Variants in TENM4 observed in about 807,000 individuals in gnomAD.
TENM4 encodes the protein teneurin transmembrane protein 4, also known as teneurin-4.
In TENM4, 82 loss-of-function variants were observed where a neutral mutation model predicts 243.3. That is an observed-to-expected ratio of 0.34 (90% CI 0.28 to 0.40). The LOEUF is 0.40. TENM4 is among the 10% of genes least tolerant of loss of function. The pLI is 1.00. For missense variants in TENM4, 3,138 were observed against 3,673.3 expected (o/e 0.85, Z 3.77); for synonymous variants, 1,412 against 1,456.3 (o/e 0.97, Z 0.69).
chr11:78,976,583 A>G (rs1030593104), intron 6 of TENM4, among the ~76,000 whole-genome samples: 6 of 152,186 alleles, frequency 3.9e-5, no homozygotes, highest in Non-Finnish European at 8.8e-5. Flanking sequence ...AGATTTGTGA[A>G]ACTTTTTTGG....
chr11:79,358,969 A>G (rs1005989804), intron 1 of TENM4, among the ~76,000 whole-genome samples: 16 of 148,062 alleles, frequency 1.1e-4, no homozygotes, highest in African/African-American at 4.0e-4. Context: ...TTTTTTTGGC[A>G]TAAGAATAAA....
At chr11:79,008,219 C>T (rs613474) in intron 6 of TENM4, among the ~76,000 whole-genome samples, 30,458 of 152,036 alleles carry the variant, frequency 0.2, 3,523 homozygotes, top group Non-Finnish European at 0.27. Context: ...ATTTCCTTAG[C>T]AAAGAAAAAA....
chr11:79,334,256 G>A (rs1857111220), intron 1 of TENM4, among the ~76,000 whole-genome samples: 1 of 152,164 alleles, frequency 6.6e-6, no homozygotes. Flanking sequence ...GACTCAGCTG[G>A]ACCTCAGAGT....
chr11:78,713,263 C>T (rs925750786), intron 25 of TENM4, among the ~76,000 whole-genome samples: 1 of 152,198 alleles, frequency 6.6e-6, no homozygotes, highest in Non-Finnish European at 1.5e-5. Context: ...AGTGGATACT[C>T]ATGTTACACT....
chr11:79,179,744 A>G (rs1863245427), intron 3 of TENM4, among the ~76,000 whole-genome samples: 1 of 151,864 alleles, frequency 6.6e-6, no homozygotes, highest in African/African-American at 2.4e-5. Flanking sequence ...GTGATTCAAT[A>G]AAGAGTTTGA....
At chr11:79,147,098 C>A (rs1193680484) in intron 4 of TENM4, among the ~76,000 whole-genome samples, 2 of 152,144 alleles carry the variant, frequency 1.3e-5, no homozygotes, top group African/African-American at 4.8e-5. Context: ...AGGTTCATTA[C>A]ACAGTCAGCT....
At chr11:79,123,348 G>A (rs1417792652) in intron 4 of TENM4, among the ~76,000 whole-genome samples, 1 of 152,180 alleles carries the variant, frequency 6.6e-6, no homozygotes, top group East Asian at 1.9e-4. Flanking sequence ...CTTTCCCAAG[G>A]AACTAGCTAG....
At chr11:79,157,775 G>C (rs1334172902) in intron 3 of TENM4, among the ~76,000 whole-genome samples, 1 of 152,214 alleles carries the variant, frequency 6.6e-6, no homozygotes, top group Non-Finnish European at 1.5e-5. Flanking sequence ...TAATCCTACT[G>C]TACTGTATTG....
chr11:78,741,297 A>G (rs1178710220), intron 19 of TENM4, among the ~76,000 whole-genome samples: 1 of 152,014 alleles, frequency 6.6e-6, no homozygotes, highest in East Asian at 1.9e-4. Flanking sequence ...CAAATGTTTA[A>G]TGACCGACTT....
intron 1 of TENM4, among the ~76,000 whole-genome samples, chr11:79,343,594 C>T (rs1225899057): frequency 6.6e-6 from 1 of 151,934 alleles, no homozygotes; most frequent in African/African-American, 2.4e-5. Context: ...CCCTGACTCA[C>T]CTTTTTAAAA....
intron 2 of TENM4, among the ~76,000 whole-genome samples, chr11:79,278,162 T>C (rs1019509705): frequency 2.3e-4 from 35 of 152,154 alleles, no homozygotes; most frequent in Non-Finnish European, 2.9e-5. Context: ...TTGATTTCAT[T>C]CCATTGCTTA....
chr11:79,219,323 C>G (rs1000342967), intron 2 of TENM4, among the ~76,000 whole-genome samples: 2 of 152,174 alleles, frequency 1.3e-5, no homozygotes, highest in Non-Finnish European at 2.9e-5. Flanking sequence ...GGAATGTGGT[C>G]ATTGTTCAGT....
At chr11:78,720,788 A>T (rs925824290) in intron 24 of TENM4, among the ~76,000 whole-genome samples, 1 of 152,170 alleles carries the variant, frequency 6.6e-6, no homozygotes, top group Non-Finnish European at 1.5e-5. Flanking sequence ...CCCTACAAAG[A>T]GTTACCCAAA....
chr11:78,898,637 G>A (rs1591111030), intron 7 of TENM4, among the ~76,000 whole-genome samples: 1 of 152,232 alleles, frequency 6.6e-6, no homozygotes, highest in East Asian at 1.9e-4. Context: ...CTTCCAGGAA[G>A]CCTTCCTTTC....
At chr11:78,800,565 G>A (rs1227612359) in intron 15 of TENM4, among the ~76,000 whole-genome samples, 1 of 152,136 alleles carries the variant, frequency 6.6e-6, no homozygotes, top group East Asian at 1.9e-4. Context: ...GATCTTCCTG[G>A]ACAGAGCTTT....
chr11:78,892,614 C>T (rs1855695326), intron 7 of TENM4, among the ~76,000 whole-genome samples: 1 of 152,148 alleles, frequency 6.6e-6, no homozygotes, highest in South Asian at 2.1e-4. Context: ...GTATTAAGGG[C>T]TATACAAATA....
intron 4 of TENM4, among the ~76,000 whole-genome samples, chr11:79,100,499 G>A (rs764641278): frequency 7.9e-5 from 12 of 152,136 alleles, no homozygotes; most frequent in Non-Finnish European, 1.5e-4. Context: ...GACAAAGGGA[G>A]GATCATAGCT....
intron 4 of TENM4, among the ~76,000 whole-genome samples, chr11:79,115,367 A>T (rs1169984194): frequency 2.6e-5 from 4 of 152,036 alleles, no homozygotes; most frequent in Admixed American, 1.3e-4. Flanking sequence ...CTTTTCGCCA[A>T]CTCTCAAATC....
intron 1 of TENM4, among the ~76,000 whole-genome samples, chr11:79,309,607 A>C (rs1045532713): frequency 4.6e-5 from 7 of 152,220 alleles, no homozygotes; most frequent in Admixed American, 3.9e-4. Context: ...CAGGTTTCCA[A>C]ATATAAATAC....
Sources: gnomAD v4.1 joint callset for allele counts (sites outside exome capture counted in the v4.1 genomes callset) on GRCh38, gnomAD v4.1.1 for gene constraint, MANE v1.5 for transcripts, NCBI Gene and HGNC (gene_info 2026-07-23, HGNC 2026-07-21) for gene names.